The following TMTC1 variants were observed in gnomAD, a reference collection of about 807,000 sequenced individuals.
TMTC1 encodes transmembrane O-mannosyltransferase targeting cadherins 1.
TMTC1 carries 73 observed loss-of-function variants against 104.8 expected under a neutral mutation model. The ratio of observed to expected loss-of-function variants is 0.70; its 90% CI spans 0.58 to 0.85. The LOEUF is 0.85. Ranked by LOEUF, TMTC1 falls within the 40% of genes least tolerant of loss-of-function variation. TMTC1 has a pLI of 0.00. For missense variants in TMTC1, 1,035 were observed against 1,096.1 expected, an observed-to-expected ratio of 0.94 and a Z score of 0.79; for synonymous variants, 434 against 428.7, an observed-to-expected ratio of 1.01 and a Z score of -0.15.
chr12:29,753,220 C>T (rs755432572), intron 4 of TMTC1, among the ~76,000 whole-genome samples: 1 of 152,150 alleles, frequency 6.6e-6, no homozygotes, highest in African/African-American at 2.4e-5. Context: ...GGGGAGTAGA[C>T]CCCTAGGTGC....
chr12:29,773,596 G>T (rs1406454006), intron 1 of TMTC1, among the ~76,000 whole-genome samples: 1 of 152,126 alleles, frequency 6.6e-6, no homozygotes, highest in Non-Finnish European at 1.5e-5. Context: ...TCTACATGTG[G>T]TGACCCAAGC....
chr12:29,782,121 G>A (rs774802914), intron 1 of TMTC1, among the ~76,000 whole-genome samples: 1 of 152,200 alleles, frequency 6.6e-6, no homozygotes, highest in Admixed American at 6.5e-5. Context: ...TTTGTCCCAA[G>A]GAGATTTTAA....
At chr12:29,619,786 G>A (rs1565714778) in intron 6 of TMTC1, among the ~76,000 whole-genome samples, 1 of 152,126 alleles carries the variant, frequency 6.6e-6, no homozygotes, top group Non-Finnish European at 1.5e-5. Context: ...TTAACAGAGT[G>A]ATTTTATGTT....
chr12:29,751,710 G>A lies in TMTC1; in HGVS notation c.894C>T (p.Ser298=). The change falls in exon 5 of 18, where the codon AGC becomes AGT. Residue 298 remains serine (S), a synonymous_variant. Transcript: ENST00000539277. ...CTCGTGGGGACACTGGGAATCCACT[G>A]CTCTTGGGTTCTGGTGGCAGTGGAG... The part of the protein sequence containing the change: ...CHSPLPPEPK[S]SGFPVSPRAV... The A allele has an allele frequency of 6.2e-7, 1 of 1,614,142 alleles. No homozygotes were observed. Among genetic ancestry groups the A allele is most frequent in the Non-Finnish European group, 8.5e-7 (1 of 1,180,030 alleles).
chr12:29,635,962 C>G (rs1393857183), intron 5 of TMTC1, among the ~76,000 whole-genome samples: 1 of 152,178 alleles, frequency 6.6e-6, no homozygotes, highest in Non-Finnish European at 1.5e-5. Context: ...TTAAAAATAA[C>G]CACTTAGGAC....
rs905890652 is a variant in TMTC1, at chr12:29,763,539, T to C, written c.480+4359A>G. Among the ~76,000 whole-genome samples, 5 of 152,230 alleles carry C rather than the reference T, an allele frequency of 3.3e-5. No homozygotes were observed. The South Asian group carries it at 8.3e-4, about 25-fold the overall frequency. ...ACATCCTGTGCCAGTTGGAAACATA[T>C]AATCAGCCTCAAGGAGTTTAACATC... On this transcript the variant is annotated intron_variant, in intron 2 of 17. Transcript: ENST00000539277.
chr12:29,515,619 CCT>C (rs1265944780), intron 15 of TMTC1, among the ~76,000 whole-genome samples: 1 of 152,152 alleles, frequency 6.6e-6, no homozygotes, highest in Non-Finnish European at 1.5e-5. Flanking sequence ...CATCGGGTCC[CCT>C]GATTATATGC....
intron 5 of TMTC1, among the ~76,000 whole-genome samples, chr12:29,722,007 T>C (rs2136883859): frequency 6.6e-6 from 1 of 152,292 alleles, no homozygotes; most frequent in South Asian, 2.1e-4. Context: ...ATTGTATCCT[T>C]CTACTATCTG....
chr12:29,759,694 T>C (rs1240813854), intron 2 of TMTC1, among the ~76,000 whole-genome samples: 1 of 152,100 alleles, frequency 6.6e-6, no homozygotes, highest in Admixed American at 6.5e-5. Flanking sequence ...ACCAGCTCCT[T>C]GGAAAACTGG....
rs1943660520 is a variant in TMTC1 at position 29,504,650 on chromosome 12, G to C, written c.*2196C>G. 1 of 152,226 alleles carries C rather than the reference G, an allele frequency of 6.6e-6. No individual in the cohort carries two copies. The highest frequency in any genetic ancestry group is 1.5e-5 in the Non-Finnish European group (1 of 68,050). 9.4% of individuals were successfully genotyped at this position (152,226 alleles called of 1,614,324 possible). A position where few individuals can be genotyped will look rare whatever the true frequency, so the allele number is the denominator to read the frequency against. ...GATAGGAAAGCACCTACAGGAGGCA[G>C]AGAGTTTCCTGAAGGTCATGTGATC... On this transcript the variant is annotated 3_prime_UTR_variant, in exon 18 of 18. Coordinates refer to ENST00000539277, the MANE Select transcript of TMTC1 (RefSeq NM_001193451.2).
At chr12:29,532,446 C>T (rs1390214641) in intron 11 of TMTC1, 1 of 151,810 alleles carries the variant, frequency 6.6e-6, no homozygotes, top group African/African-American at 2.4e-5. Context: ...AAAAGGAATC[C>T]AAATGTCCCA....
chr12:29,550,919 G>A (rs1344248155), intron 10 of TMTC1, among the ~76,000 whole-genome samples: 1 of 128,552 alleles, frequency 7.8e-6, no homozygotes, highest in Non-Finnish European at 1.6e-5. Context: ...GGGGGAGAGA[G>A]TGGGACTCCA....
chr12:29,507,291 G>C (rs1242430751), intron 17 of TMTC1, among the ~76,000 whole-genome samples: 1 of 152,088 alleles, frequency 6.6e-6, no homozygotes, highest in Non-Finnish European at 1.5e-5. Flanking sequence ...GTGTCCTCAG[G>C]GGGCTAGTAC....
intron 5 of TMTC1, among the ~76,000 whole-genome samples, chr12:29,730,273 G>A (rs1164620104): frequency 6.6e-6 from 1 of 152,192 alleles, no homozygotes; most frequent in East Asian, 1.9e-4. Context: ...ATTCCCACCA[G>A]CTGCCAAAGA....
In TMTC1 at chr12:29,712,106, A is replaced by G. The variant is rs182627854; in HGVS notation, c.938+39560T>C. Among the ~76,000 whole-genome samples, 2 of 151,912 alleles carry G rather than the reference A, an allele frequency of 1.3e-5. 1 individual carries two copies. Among genetic ancestry groups the G allele is most frequent in the Non-Finnish European group, 2.9e-5 (2 of 68,004 alleles). On this transcript the variant is annotated intron_variant, in intron 5 of 17. Transcript: ENST00000539277. ...GGGGACACTGCTCTCCAGCTCTCCA[A>G]TATAACGCAAACTTCCCCTCAACTA...
At chr12:29,666,220 T>C (rs1940273417) in intron 5 of TMTC1, 4 of 416,278 alleles carry the variant, frequency 9.6e-6, no homozygotes, top group African/African-American at 2.4e-5. Context: ...TTTCTTTTTT[T>C]CTTTTTTCTT....
intron 5 of TMTC1, among the ~76,000 whole-genome samples, chr12:29,664,140 T>A (rs945497285): frequency 2.7e-5 from 4 of 147,750 alleles, no homozygotes; most frequent in African/African-American, 5.0e-5. Context: ...TGAGCCGAGA[T>A]CCCGCCACTG....
At position 29,561,914 on chromosome 12, in the gene TMTC1, T is replaced by C. The variant is rs538531804; in HGVS notation, c.1533-4914A>G. Among the ~76,000 whole-genome samples the C allele has an allele frequency of 4.9e-4, 75 of 152,136 alleles. 1 individual carries two copies. The highest frequency in any genetic ancestry group is 9.4e-4 in the Non-Finnish European group (64 of 68,022). The stretch of plus-strand genomic sequence containing the variant: ...CAGATGTTTATTTTCTATTTCCTGT[T>C]GAGAAAATAAGAGTCCAAAAGAAAA... On this transcript the variant is annotated intron_variant, in intron 9 of 17. Transcript: ENST00000539277.
Position 29,664,401 on chromosome 12 carries a change from T to G in TMTC1, c.939-31065A>C, listed in dbSNP as rs187283274. Among the ~76,000 whole-genome samples, 2 of 152,138 alleles carry G rather than the reference T, an allele frequency of 1.3e-5. 1 individual carries two copies. Among genetic ancestry groups the G allele is most frequent in the Admixed American group, 1.3e-4 (2 of 15,296 alleles). On this transcript the variant is annotated intron_variant, in intron 5 of 17. Coordinates refer to ENST00000539277, the MANE Select transcript of TMTC1 (RefSeq NM_001193451.2). ...CATGGCCCTCTTTTTTGGTAAACAC[T>G]AGGTCAGAGGCTGAGATCCCTAAGC...
Sources: gnomAD v4.1 joint callset for allele counts (sites outside exome capture counted in the v4.1 genomes callset) on GRCh38, gnomAD v4.1.1 for gene constraint, MANE v1.5 for transcripts, NCBI Gene and HGNC (gene_info 2026-07-23, HGNC 2026-07-21) for gene names.